The following FHIT variants were observed in gnomAD, a reference collection of about 807,000 sequenced individuals.
FHIT encodes the protein bis(5'-adenosyl)-triphosphatase.
Under a neutral mutation model 17.9 loss-of-function variants are expected in FHIT, and 19 were observed. That is an observed-to-expected ratio of 1.06 (90% CI 0.74 to 1.56). The LOEUF (loss-of-function observed/expected upper bound fraction) is 1.56. Ranked by LOEUF, FHIT falls within the 40% of genes most tolerant of loss-of-function variation. The pLI, the probability that FHIT is intolerant of heterozygous loss-of-function variation, is 0.00. For synonymous variants in FHIT, 81 were observed against 69.7 expected (o/e 1.16, Z -0.81); for missense variants, 248 against 189.2 (o/e 1.31, Z -1.82).
intron 8 of FHIT, among the ~76,000 whole-genome samples, chr3:59,912,766 TAAG>T (rs1559724276): frequency 6.6e-6 from 1 of 152,186 alleles, no homozygotes; most frequent in Admixed American, 6.6e-5. Context: ...ACCACTAATG[TAAG>T]AAGGATTTCC....
Position 60,534,296 on chromosome 3 carries a change from G to A in FHIT, c.103+2564C>T, listed in dbSNP as rs242241. Among the ~76,000 whole-genome samples the A allele has an allele frequency of 9.3e-5, 14 of 149,848 alleles. 1 individual carries two copies. Among genetic ancestry groups the A allele is most frequent in the Admixed American group, 4.7e-4 (7 of 15,042 alleles). ...CAAAAAAAAAAAATTAGCCGGGCGCGGTGGCGGGCGCCTGTAGTCCCAGCT... is the reference window on the plus strand; with the variant it reads ...CAAAAAAAAAAAATTAGCCGGGCGCAGTGGCGGGCGCCTGTAGTCCCAGCT... On this transcript the variant is annotated intron_variant, in intron 5 of 9. Coordinates refer to ENST00000492590, the MANE Select transcript of FHIT (RefSeq NM_002012.4).
At chr3:60,008,686 G>A (rs1248356160) in intron 7 of FHIT, among the ~76,000 whole-genome samples, 2 of 152,222 alleles carry the variant, frequency 1.3e-5, no homozygotes, top group African/African-American at 4.8e-5. Flanking sequence ...AACAGTCACT[G>A]TGCTTTCCAT....
chr3:60,057,493 A>G (rs1702127768), intron 5 of FHIT, among the ~76,000 whole-genome samples: 1 of 152,316 alleles, frequency 6.6e-6, no homozygotes, highest in African/African-American at 2.4e-5. Flanking sequence ...ACACGTTACA[A>G]CATGAATGAA....
intron 4 of FHIT, among the ~76,000 whole-genome samples, chr3:60,565,972 A>T (rs935118031): frequency 6.6e-6 from 1 of 151,988 alleles, no homozygotes; most frequent in Non-Finnish European, 1.5e-5. Flanking sequence ...CTTTGTTCTC[A>T]TTGGTTTCAA....
chr3:61,111,313 C>A (rs2036152870), intron 2 of FHIT, among the ~76,000 whole-genome samples: 1 of 152,166 alleles, frequency 6.6e-6, no homozygotes, highest in Admixed American at 6.5e-5. Flanking sequence ...GGATTTGGAG[C>A]TTGAGATCTG....
intron 8 of FHIT, among the ~76,000 whole-genome samples, chr3:59,754,759 GGGAAATAATA>G (rs1407412156): frequency 1.3e-5 from 2 of 152,200 alleles, no homozygotes; most frequent in East Asian, 3.9e-4. Flanking sequence ...AGAAGTTTTT[GGGAAATAATA>G]GGAAATAAAT....
intron 4 of FHIT, among the ~76,000 whole-genome samples, chr3:60,715,399 A>C (rs1264454015): frequency 6.6e-6 from 1 of 152,166 alleles, no homozygotes; most frequent in African/African-American, 2.4e-5. Context: ...GACTGGATTA[A>C]GAAATTGTGG....
intron 3 of FHIT, among the ~76,000 whole-genome samples, chr3:61,029,908 C>G (rs996095185): frequency 1.3e-5 from 2 of 152,182 alleles, no homozygotes; most frequent in Admixed American, 6.5e-5. Context: ...CACCTAGGAG[C>G]TTGTTAGAAC....
intron 5 of FHIT, among the ~76,000 whole-genome samples, chr3:60,219,718 G>T (rs1559737570): frequency 6.6e-6 from 1 of 151,986 alleles, no homozygotes; most frequent in Non-Finnish European, 1.5e-5. Flanking sequence ...TCAAAGCTTT[G>T]TTCTCCTCAC....
chr3:60,509,750 C>A (rs1321836451), intron 5 of FHIT, among the ~76,000 whole-genome samples: 1 of 152,208 alleles, frequency 6.6e-6, no homozygotes, highest in Non-Finnish European at 1.5e-5. Flanking sequence ...AGTCTTTCAT[C>A]CTCTGTTGAC....
intron 4 of FHIT, among the ~76,000 whole-genome samples, chr3:60,746,058 T>C (rs1355432454): frequency 6.6e-6 from 1 of 152,220 alleles, no homozygotes; most frequent in Admixed American, 6.5e-5. Flanking sequence ...ATTTCTACTC[T>C]AGTGTCATTA....
chr3:59,876,433 CAGGG>C (rs1400056759), intron 8 of FHIT, among the ~76,000 whole-genome samples: 1 of 114,828 alleles, frequency 8.7e-6, no homozygotes, highest in Non-Finnish European at 1.8e-5. Flanking sequence ...GGGACAGGGG[CAGGG>C]AGGGAGTGTG....
chr3:60,494,842 G>GATTA (rs751575587), intron 5 of FHIT, among the ~76,000 whole-genome samples: 1 of 152,114 alleles, frequency 6.6e-6, no homozygotes, highest in Non-Finnish European at 1.5e-5. Context: ...ACTCCATTGT[G>GATTA]ATTAAGTACC....
At chr3:60,545,659 T>C (rs1368344636) in intron 4 of FHIT, among the ~76,000 whole-genome samples, 1 of 152,246 alleles carries the variant, frequency 6.6e-6, no homozygotes, top group African/African-American at 2.4e-5. Context: ...AGGATGTTTT[T>C]GCTATCTTTT....
At chr3:59,751,873 GT>G (rs1553659560) in intron 9 of FHIT, 1 of 259,820 alleles carries the variant, frequency 3.8e-6, no homozygotes, top group African/African-American at 2.2e-5. Context: ...TTTAAGTTAA[GT>G]TGGGGTTGAC....
chr3:60,200,782 T>G (rs1373683281), intron 5 of FHIT, among the ~76,000 whole-genome samples: 4 of 152,130 alleles, frequency 2.6e-5, no homozygotes, highest in African/African-American at 9.7e-5. Flanking sequence ...GATATTCGGT[T>G]AAAAATGGGC....
intron 5 of FHIT, among the ~76,000 whole-genome samples, chr3:60,466,428 G>A (rs1001928893): frequency 6.6e-6 from 1 of 152,036 alleles, no homozygotes; most frequent in Non-Finnish European, 1.5e-5. Flanking sequence ...TAACAGTGGT[G>A]AAAGTGAGCA....
At chr3:60,031,248 A>G (rs1162519934) in intron 5 of FHIT, among the ~76,000 whole-genome samples, 2 of 152,242 alleles carry the variant, frequency 1.3e-5, no homozygotes, top group Non-Finnish European at 2.9e-5. Flanking sequence ...AGGGATAGTC[A>G]TGGAGTTTTC....
chr3:60,972,992 T>A (rs899997362), intron 3 of FHIT, among the ~76,000 whole-genome samples: 3 of 152,222 alleles, frequency 2.0e-5, no homozygotes, highest in Non-Finnish European at 2.9e-5. Context: ...AAACAGATTA[T>A]AGCTATAGAT....
Sources: gnomAD v4.1 joint callset for allele counts (sites outside exome capture counted in the v4.1 genomes callset) on GRCh38, gnomAD v4.1.1 for gene constraint, MANE v1.5 for transcripts, NCBI Gene and HGNC (gene_info 2026-07-23, HGNC 2026-07-21) for gene names.